CEMIP: variants seen among roughly 807,000 people sequenced by gnomAD.
CEMIP encodes cell migration inducing hyaluronidase 1, also known as cell migration-inducing and hyaluronan-binding protein.
Under a neutral mutation model 156.9 loss-of-function variants are expected in CEMIP, and 105 were observed. The observed-to-expected ratio is 0.67, with a 90% CI of 0.57 to 0.79. CEMIP has a LOEUF of 0.79. Among genes scored for constraint, CEMIP ranks in the 30% least tolerant of loss-of-function variants. The probability of loss-of-function intolerance (pLI) is 0.00; values close to 1 mark genes in which losing one functional copy is unlikely to be tolerated. For synonymous variants in CEMIP, 676 were observed against 668.4 expected (o/e 1.01, Z -0.17); for missense variants, 1,457 against 1,769.4 (o/e 0.82, Z 3.17).
At chr15:80,929,394 C>T (rs1009679733) in intron 21 of CEMIP, among the ~76,000 whole-genome samples, 3 of 152,164 alleles carry the variant, frequency 2.0e-5, no homozygotes, top group South Asian at 4.1e-4. Flanking sequence ...AACAGGGTGA[C>T]GTGGCCATCA....
chr15:80,865,263 C>G (rs566550123), intron 1 of CEMIP, among the ~76,000 whole-genome samples: 101 of 152,206 alleles, frequency 6.6e-4, no homozygotes, highest in Non-Finnish European at 1.1e-3. Flanking sequence ...CTCACTATAA[C>G]CTTTGCCTCC....
At chr15:80,848,899 T>TGCACACACACAC (rs1897632779) in intron 1 of CEMIP, among the ~76,000 whole-genome samples, 1 of 8,688 alleles carries the variant, frequency 1.2e-4, no homozygotes, top group Non-Finnish European at 2.0e-4. Flanking sequence ...CGTGTGCGCG[T>TGCACACACACAC]GCACACACAC....
Position 80,937,939 on chromosome 15 carries a change from T to C in CEMIP, c.3367T>C (p.Tyr1123His). 6.2e-7 allele frequency: 1 copy of C among 1,614,190 alleles called. No homozygotes were observed. The highest frequency in any genetic ancestry group is 1.3e-5 in the African/African-American group (1 of 75,056). Reference sequence around the variant, plus strand: ...GCAGATGGACAAAGTGGAGCAGAGCTACCCTGGCAGGAGCCACTACTACTG... The same window carrying C: ...GCAGATGGACAAAGTGGAGCAGAGCCACCCTGGCAGGAGCCACTACTACTG... ...TLQMDKVEQS[Y>H]PGRSHYYWDE... Residue 1123 changes from tyrosine to histidine, a missense_variant, in exon 25 of 30, where the codon TAC (tyrosine) becomes CAC (histidine). By Grantham distance (83) the Tyr-to-His change is moderately conservative. Around this residue, in one of 5 missense-constraint regions of CEMIP, gnomAD observed 798 missense variants for 980.1 expected, o/e 0.81. Transcript: ENST00000394685.
At chr15:80,808,786 CAAA>C (rs34648120) in intron 1 of CEMIP, among the ~76,000 whole-genome samples, 12 of 144,044 alleles carry the variant, frequency 8.3e-5, no homozygotes, top group African/African-American at 2.6e-4. Context: ...ATGGGGAAGC[CAAA>C]AAAAAAAAAA....
At chr15:80,803,266 G>A (rs1286201434) in intron 1 of CEMIP, among the ~76,000 whole-genome samples, 1 of 152,168 alleles carries the variant, frequency 6.6e-6, no homozygotes, top group African/African-American at 2.4e-5. Flanking sequence ...TATACAAGGA[G>A]GTTATTGGGA....
chr15:80,898,222 C>T (rs1356072602), intron 12 of CEMIP, among the ~76,000 whole-genome samples: 1 of 152,198 alleles, frequency 6.6e-6, no homozygotes, highest in East Asian at 1.9e-4. Context: ...ATTTGGGTTC[C>T]AGGAATGCCA....
intron 1 of CEMIP, among the ~76,000 whole-genome samples, chr15:80,860,395 GAC>G (rs1275625557): frequency 6.6e-6 from 1 of 152,188 alleles, no homozygotes; most frequent in Non-Finnish European, 1.5e-5. Context: ...GAATATTAAG[GAC>G]AGTTGTAAGT....
chr15:80,785,903 T>C (rs901360596), intron 1 of CEMIP, among the ~76,000 whole-genome samples: 1 of 152,222 alleles, frequency 6.6e-6, no homozygotes, highest in African/African-American at 2.4e-5. Context: ...TGGGCTACAC[T>C]GGGCGCAAGA....
intron 15 of CEMIP, 29 bp from the exon 16 acceptor site, chr15:80,921,003 G>A: frequency 1.2e-6 from 2 of 1,609,796 alleles, no homozygotes; most frequent in Non-Finnish European, 1.7e-6. Context: ...CCCTTTATCT[G>A]ATCTCAGGTA....
intron 1 of CEMIP, among the ~76,000 whole-genome samples, chr15:80,781,749 C>T (rs530558902): frequency 2.4e-4 from 37 of 152,246 alleles, no homozygotes; most frequent in African/African-American, 8.2e-4. Context: ...CTGGGAATAA[C>T]GCAATGCCAT....
At chr15:80,905,127 T>G (rs1049765409) in intron 12 of CEMIP, among the ~76,000 whole-genome samples, 1 of 152,038 alleles carries the variant, frequency 6.6e-6, no homozygotes, top group Non-Finnish European at 1.5e-5. Context: ...CTGGAGTGGG[T>G]GTTACTCAGG....
At position 80,796,810 on chromosome 15, in the gene CEMIP, A is replaced by G. The variant is rs143417745; in HGVS notation, c.-176+17196A>G. Among the ~76,000 whole-genome samples the G allele has an allele frequency of 8.5e-5, 13 of 152,342 alleles. No homozygotes were observed. In the East Asian group the frequency reaches 1.5e-3, roughly 18 times the overall value. ...GGTGGGTGACTGGGGTCAGGAGAACACATGAGATTAATGCATTTTATGTCC... is the reference window on the plus strand; with the variant it reads ...GGTGGGTGACTGGGGTCAGGAGAACGCATGAGATTAATGCATTTTATGTCC... On this transcript the variant is annotated intron_variant, in intron 1 of 29. Transcript: ENST00000394685.
At chr15:80,926,480 C>T (rs6495534) in intron 19 of CEMIP, among the ~76,000 whole-genome samples, 1,890 of 151,924 alleles carry the variant, frequency 0.012, 51 homozygotes, top group African/African-American at 0.044. Context: ...TTATTGTGAC[C>T]AAGTAAAGGA....
Position 80,933,278 on chromosome 15 carries a change from C to G in CEMIP, c.2827C>G (p.Pro943Ala). Reference protein sequence around the residue: ...TSRVFFGEPGPWFNQLDMDGD... With the variant: ...TSRVFFGEPGAWFNQLDMDGD... ...CAGAGTGTTCTTCGGAGAGCCTGGG[C>G]CCTGGTTCAACCAGCTGGACATGGA... The change falls in exon 23 of 30, where the codon CCC becomes GCC. Residue 943 changes from proline to alanine, a missense_variant. By Grantham distance (27) the Pro-to-Ala change is conservative (BLOSUM62 -1). Transcript: ENST00000394685. 6.2e-7 allele frequency: 1 copy of G among 1,614,192 alleles called. No individual in the cohort carries two copies. Among genetic ancestry groups the G allele is most frequent in the South Asian group, 1.1e-5 (1 of 91,084 alleles).
intron 11 of CEMIP, 88 bp downstream of exon 11, chr15:80,895,210 G>A: frequency 6.4e-7 from 1 of 1,560,206 alleles, no homozygotes; most frequent in Admixed American, 1.7e-5. Flanking sequence ...AGACCTCTCA[G>A]TGAGACAGTG....
intron 16 of CEMIP, among the ~76,000 whole-genome samples, 165 bp from the exon 17 acceptor site, chr15:80,921,844 C>A (rs1900483684): frequency 1.3e-5 from 2 of 152,250 alleles, no homozygotes; most frequent in African/African-American, 4.8e-5. Flanking sequence ...GTTTTCCCCC[C>A]AGACTGGACC....
intron 14 of CEMIP, among the ~76,000 whole-genome samples, chr15:80,914,459 AG>A (rs1446520720): frequency 1.3e-5 from 2 of 152,184 alleles, no homozygotes; most frequent in Non-Finnish European, 2.9e-5. Flanking sequence ...GTGGCCCTGC[AG>A]GTTGTGCCCT....
In CEMIP at chr15:80,941,865, C is replaced by T. The variant is rs767791314; in HGVS notation, c.3424C>T (p.Leu1142=). 3 of 1,613,760 alleles carry T rather than the reference C, an allele frequency of 1.9e-6. No individual in the cohort carries two copies. The highest frequency in any genetic ancestry group is 1.7e-5 in the Admixed American group (1 of 60,002). Reference sequence around the variant, plus strand: ...TGTGTGCAGGCTGTTGTTCCTGAAGCTGAAAGCTCAGAACGAGAGAGAGAA... The same window carrying T: ...TGTGTGCAGGCTGTTGTTCCTGAAGTTGAAAGCTCAGAACGAGAGAGAGAA... ...DEDSGLLFLK[L]KAQNEREKFA... is the part of the protein sequence containing the mutation. Residue 1142 remains leucine (L), a synonymous_variant, in exon 26 of 30, where the codon CTG becomes TTG. Coordinates refer to ENST00000394685, the MANE Select transcript of CEMIP (RefSeq NM_001293298.2).
At chr15:80,796,700 G>A (rs1256214809) in intron 1 of CEMIP, among the ~76,000 whole-genome samples, 5 of 151,938 alleles carry the variant, frequency 3.3e-5, no homozygotes, top group African/African-American at 7.2e-5. Flanking sequence ...TTCAGCAAAC[G>A]TTTATTAATC....
Sources: gnomAD v4.1 joint callset for allele counts (sites outside exome capture counted in the v4.1 genomes callset) on GRCh38, gnomAD v4.1.1 for gene constraint, gnomAD v4.1.1 regional missense constraint, MANE v1.5 for transcripts, NCBI Gene and HGNC (gene_info 2026-07-23, HGNC 2026-07-21) for gene names.